Variants in EHBP1 observed in about 807,000 individuals in gnomAD.
EHBP1 encodes EH domain binding protein 1.
Under a neutral mutation model 144.0 loss-of-function variants are expected in EHBP1, and 55 were observed. The observed-to-expected ratio is 0.38, with a 90% CI of 0.31 to 0.48. The LOEUF (loss-of-function observed/expected upper bound fraction) is 0.48. EHBP1 is among the 20% of genes least tolerant of loss of function. The probability of loss-of-function intolerance (pLI) is 0.98; values close to 1 mark genes in which losing one functional copy is unlikely to be tolerated. For synonymous variants in EHBP1, 469 were observed against 472.7 expected, an observed-to-expected ratio of 0.99 and a Z score of 0.10; for missense variants, 1,200 against 1,364.2, an observed-to-expected ratio of 0.88 and a Z score of 1.90.
chr2:62,918,056 C>T (rs947090209), intron 10 of EHBP1, among the ~76,000 whole-genome samples: 11 of 152,080 alleles, frequency 7.2e-5, no homozygotes, highest in African/African-American at 2.4e-4. Context: ...GCCACCACAC[C>T]CGGCTAATTT....
chr2:62,819,453 T>C (rs2045715174), intron 5 of EHBP1, among the ~76,000 whole-genome samples: 1 of 152,200 alleles, frequency 6.6e-6, no homozygotes, highest in African/African-American at 2.4e-5. Flanking sequence ...TTGTAACAGC[T>C]TTGTTAATAA....
intron 2 of EHBP1, among the ~76,000 whole-genome samples, chr2:62,739,188 T>C (rs112755983): frequency 0.021 from 3,163 of 152,316 alleles, 78 homozygotes; most frequent in African/African-American, 0.063. Flanking sequence ...GTGATTCTTT[T>C]ATCTATCATA....
chr2:62,778,581 G>A (rs1573301249), intron 5 of EHBP1, among the ~76,000 whole-genome samples: 1 of 151,076 alleles, frequency 6.6e-6, no homozygotes, highest in East Asian at 1.9e-4. Context: ...TAGTGTAAAT[G>A]CTTCTCTGCT....
chr2:62,686,621 A>G (rs1163470067), intron 1 of EHBP1, among the ~76,000 whole-genome samples: 1 of 152,262 alleles, frequency 6.6e-6, no homozygotes, highest in Non-Finnish European at 1.5e-5. Context: ...AGCTGTGTGT[A>G]TCTGGAAACA....
intron 3 of EHBP1, among the ~76,000 whole-genome samples, chr2:62,753,762 C>G (rs1207348379): frequency 6.6e-6 from 1 of 152,150 alleles, no homozygotes; most frequent in Admixed American, 6.5e-5. Flanking sequence ...ATCACTGATA[C>G]CCTTTCTTCC....
chr2:62,785,433 A>G (rs2042736509), intron 5 of EHBP1, among the ~76,000 whole-genome samples: 1 of 152,202 alleles, frequency 6.6e-6, no homozygotes, highest in Non-Finnish European at 1.5e-5. Context: ...AGAAGTGTGT[A>G]GAAGGTAGTG....
intron 6 of EHBP1, among the ~76,000 whole-genome samples, chr2:62,830,179 C>CACAT (rs1159047285): frequency 9.5e-6 from 1 of 105,020 alleles, no homozygotes; most frequent in East Asian, 2.4e-4. Context: ...CACACACACA[C>CACAT]ACACACACAC....
chr2:62,746,000 T>A (rs1391180757), intron 2 of EHBP1, among the ~76,000 whole-genome samples: 3 of 152,036 alleles, frequency 2.0e-5, no homozygotes, highest in Non-Finnish European at 4.4e-5. Context: ...GAAATATAAT[T>A]TCAGAGTTGA....
chr2:63,001,785 C>T (rs909166376), intron 19 of EHBP1, among the ~76,000 whole-genome samples: 1 of 152,170 alleles, frequency 6.6e-6, no homozygotes, highest in African/African-American at 2.4e-5. Flanking sequence ...GCTCTGGAGC[C>T]TGACTCCCAG....
chr2:63,003,872 A>G (rs2059935297), intron 19 of EHBP1, among the ~76,000 whole-genome samples: 1 of 152,122 alleles, frequency 6.6e-6, no homozygotes, highest in African/African-American at 2.4e-5. Flanking sequence ...TCCACTATGT[A>G]AGGAGTTAAA....
At chr2:62,840,002 T>C (rs1158438653) in intron 7 of EHBP1, among the ~76,000 whole-genome samples, 2 of 152,188 alleles carry the variant, frequency 1.3e-5, no homozygotes, top group East Asian at 3.9e-4. Context: ...AAAGTTCATA[T>C]GGAACCAAAA....
At chr2:62,980,308 G>C (rs112323278) in intron 15 of EHBP1, among the ~76,000 whole-genome samples, 1 of 151,976 alleles carries the variant, frequency 6.6e-6, no homozygotes, top group Non-Finnish European at 1.5e-5. Flanking sequence ...TTCACAATAG[G>C]GTTCGTGCTC....
At chr2:62,918,677 T>G (rs1040723599) in intron 10 of EHBP1, among the ~76,000 whole-genome samples, 1 of 152,208 alleles carries the variant, frequency 6.6e-6, no homozygotes, top group African/African-American at 2.4e-5. Flanking sequence ...CATTTTACAT[T>G]GATTCACTGA....
chr2:62,982,170 A>G (rs1358134744), intron 15 of EHBP1, among the ~76,000 whole-genome samples: 1 of 152,176 alleles, frequency 6.6e-6, no homozygotes, highest in Non-Finnish European at 1.5e-5. Flanking sequence ...TTCCTCTTGA[A>G]ATTCAATGAT....
intron 5 of EHBP1, among the ~76,000 whole-genome samples, chr2:62,820,146 T>C (rs927663584): frequency 1.4e-5 from 2 of 148,120 alleles, no homozygotes; most frequent in African/African-American, 5.0e-5. Flanking sequence ...AGGAGGCAGA[T>C]GTTGCAGTGA....
intron 1 of EHBP1, among the ~76,000 whole-genome samples, chr2:62,697,502 G>A (rs1234048702): frequency 2.6e-5 from 4 of 152,076 alleles, no homozygotes; most frequent in Non-Finnish European, 5.9e-5. Context: ...CTTTTCTCAG[G>A]TTTTTTGTCA....
chr2:62,677,795 T>C lies in EHBP1; in HGVS notation c.-296+3712T>C, dbSNP rs560761469. On this transcript the variant is annotated intron_variant, in intron 1 of 22. Coordinates refer to the EHBP1 transcript ENST00000405015. ...ACATAATGACCTCCAGTTCCAACCATGTTGTTGCAAATAACAGGATCTCAT... is the reference window on the plus strand; with the variant it reads ...ACATAATGACCTCCAGTTCCAACCACGTTGTTGCAAATAACAGGATCTCAT... Among the ~76,000 whole-genome samples the C allele has an allele frequency of 2.6e-5, 4 of 152,348 alleles. No homozygotes were observed. In the South Asian group the frequency reaches 8.3e-4, roughly 32 times the overall value.
In EHBP1 at chr2:62,749,332, C is replaced by T. The variant is rs1156532040; in HGVS notation, c.162+1880C>T. The stretch of plus-strand genomic sequence containing the variant: ...ACATGAACTCATCCTTTTTTATGGC[C>T]GCATAGTATTCCATGGTGTCTATGT... On this transcript the variant is annotated intron_variant, in intron 3 of 22. Transcript: ENST00000431489. Among the ~76,000 whole-genome samples, 12 of 152,126 alleles carry T rather than the reference C, an allele frequency of 7.9e-5. No homozygotes were observed. The South Asian group carries it at 1.2e-3, about 16-fold the overall frequency.
chr2:62,748,481 C>G (rs1016428472), intron 3 of EHBP1, among the ~76,000 whole-genome samples: 7 of 151,868 alleles, frequency 4.6e-5, no homozygotes, highest in Non-Finnish European at 1.0e-4. Context: ...TAGTGAGACC[C>G]CATATCTACA....
Sources: allele counts gnomAD v4.1 joint callset (sites outside exome capture counted in the v4.1 genomes callset), GRCh38; gene constraint gnomAD v4.1.1; transcripts MANE v1.5; gene names NCBI Gene and HGNC (gene_info 2026-07-23, HGNC 2026-07-21).